GRIN2B: variants seen among roughly 807,000 people sequenced by gnomAD.
GRIN2B encodes glutamate receptor ionotropic, NMDA 2B.
In GRIN2B, 5 loss-of-function variants were observed where a neutral mutation model predicts 114.5. The ratio of observed to expected loss-of-function variants is 0.04; its 90% CI spans 0.02 to 0.09. The LOEUF (loss-of-function observed/expected upper bound fraction) is 0.09, where lower values mean the gene tolerates loss of function less well. GRIN2B is among the 10% of genes least tolerant of loss of function. The pLI is 1.00. For missense variants in GRIN2B, 1,108 were observed against 1,943.5 expected (o/e 0.57, Z 8.08); for synonymous variants, 787 against 745.1 (o/e 1.06, Z -0.92).
chr12:13,902,985 A>G (rs928127867), intron 2 of GRIN2B, among the ~76,000 whole-genome samples: 1 of 152,088 alleles, frequency 6.6e-6, no homozygotes, highest in African/African-American at 2.4e-5. Context: ...TTGGTGAGTT[A>G]TATTCTCCAA....
intron 3 of GRIN2B, among the ~76,000 whole-genome samples, chr12:13,835,463 A>G (rs1865243406): frequency 6.6e-6 from 1 of 151,946 alleles, no homozygotes; most frequent in Admixed American, 6.6e-5. Context: ...CTTGCCATTC[A>G]CAAAAGGGTT....
intron 2 of GRIN2B, among the ~76,000 whole-genome samples, chr12:13,893,559 T>A (rs1269036228): frequency 1.3e-5 from 2 of 152,084 alleles, no homozygotes; most frequent in African/African-American, 4.8e-5. Context: ...TAATGCCAAA[T>A]CAGAAAAACT....
At position 13,697,832 on chromosome 12, in the gene GRIN2B, C is replaced by T. The variant is rs138608924; in HGVS notation, c.1011-21973G>A. Among the ~76,000 whole-genome samples, 19 of 152,230 alleles carry T rather than the reference C, an allele frequency of 1.2e-4. No individual in the cohort carries two copies. The East Asian group carries it at 3.7e-3, about 29-fold the overall frequency. On this transcript the variant is annotated intron_variant, in intron 4 of 13. Coordinates refer to ENST00000609686, the MANE Select transcript of GRIN2B (RefSeq NM_000834.5). ...ACACACAAAAACAGTTAACCTGCAC[C>T]AACACTACTGTTTCACTACTTAAGC...
intron 3 of GRIN2B, among the ~76,000 whole-genome samples, chr12:13,816,332 A>C (rs541530374): frequency 1.3e-5 from 2 of 152,358 alleles, no homozygotes; most frequent in Non-Finnish European, 2.9e-5. Flanking sequence ...TTGATAAGAC[A>C]AAAAACTAAT....
At chr12:13,926,756 A>G (rs957153935) in intron 2 of GRIN2B, among the ~76,000 whole-genome samples, 1 of 152,202 alleles carries the variant, frequency 6.6e-6, no homozygotes, top group Admixed American at 6.5e-5. Context: ...GATCGAGACC[A>G]TCCTGGCTAA....
intron 4 of GRIN2B, among the ~76,000 whole-genome samples, chr12:13,703,506 C>A (rs1466091685): frequency 1.3e-5 from 2 of 152,154 alleles, no homozygotes; most frequent in Admixed American, 1.3e-4. Context: ...CATCAATATG[C>A]AAATACAACA....
Position 13,539,249 on chromosome 12 carries a change from T to C in GRIN2B, c.*23534A>G, listed in dbSNP as rs1415661156. On this transcript the variant is annotated 3_prime_UTR_variant, in exon 14 of 14. Coordinates refer to ENST00000609686, the MANE Select transcript of GRIN2B (RefSeq NM_000834.5). Reference sequence around the variant, plus strand: ...TGCTGGCTTCTAGCCAGGGCTGCCATACATGAGCTCACCCAGGCTCCTTGG... The same window carrying C: ...TGCTGGCTTCTAGCCAGGGCTGCCACACATGAGCTCACCCAGGCTCCTTGG... 6.6e-6 allele frequency: 1 copy of C among 152,264 alleles called. No homozygotes were observed. Among genetic ancestry groups the C allele is most frequent in the Non-Finnish European group, 1.5e-5 (1 of 68,054 alleles). 9.4% of individuals were successfully genotyped at this position (152,264 alleles called of 1,614,324 possible). A position where few individuals can be genotyped will look rare whatever the true frequency, so the allele number is the denominator to read the frequency against.
At position 13,559,526 on chromosome 12, in the gene GRIN2B, G is replaced by T. The variant is rs1308101531; in HGVS notation, c.*3257C>A. On this transcript the variant is annotated 3_prime_UTR_variant, in exon 14 of 14. Coordinates refer to ENST00000609686, the MANE Select transcript of GRIN2B (RefSeq NM_000834.5). ...CAGTAATGAGGACAAGGCAAATAAA[G>T]AGCCGCTATTGGCACCATTGCTCAC... The T allele has an allele frequency of 1.3e-5, 2 of 152,178 alleles. No homozygotes were observed. Among genetic ancestry groups the T allele is most frequent in the African/African-American group, 4.8e-5 (2 of 41,452 alleles). 9.4% of individuals were successfully genotyped at this position (152,178 alleles called of 1,614,324 possible).
At position 13,553,423 on chromosome 12, in the gene GRIN2B, A is replaced by C. The variant is rs555024770; in HGVS notation, c.*9360T>G. 2.0e-5 allele frequency: 3 copies of C among 152,370 alleles called. No homozygotes were observed. In the South Asian group the frequency reaches 6.2e-4, roughly 32 times the overall value. The allele number at this position is 152,370 out of a possible 1,614,324, so 9.4% of individuals were successfully genotyped here. The stretch of plus-strand genomic sequence containing the variant: ...AAGAGGTAAAGTGCTCAATTACCTC[A>C]ACTCTTATCCTCCCTTTGGGAGAAG... On this transcript the variant is annotated 3_prime_UTR_variant, in exon 14 of 14. Coordinates refer to ENST00000609686, the MANE Select transcript of GRIN2B (RefSeq NM_000834.5).
At chr12:13,721,339 C>T (rs1950506503) in intron 4 of GRIN2B, among the ~76,000 whole-genome samples, 1 of 151,780 alleles carries the variant, frequency 6.6e-6, no homozygotes. Context: ...TTGATGTGAT[C>T]ATCTGATTTC....
chr12:13,965,443 G>C (rs970838164), intron 2 of GRIN2B, among the ~76,000 whole-genome samples: 1 of 152,110 alleles, frequency 6.6e-6, no homozygotes, highest in Non-Finnish European at 1.5e-5. Flanking sequence ...TTTAGAATCT[G>C]TCATGAAGAC....
chr12:13,714,717 A>G (rs763626677), intron 4 of GRIN2B, among the ~76,000 whole-genome samples: 3 of 151,966 alleles, frequency 2.0e-5, no homozygotes, highest in Non-Finnish European at 4.4e-5. Context: ...AATATATTTT[A>G]TAATACAAAT....
At chr12:13,696,476 T>G (rs16909382) in intron 4 of GRIN2B, among the ~76,000 whole-genome samples, 3,399 of 152,222 alleles carry the variant, frequency 0.022, 121 homozygotes, top group African/African-American at 0.078. Context: ...TCCTCTCAAA[T>G]CTCAGAGATG....
At chr12:13,757,407 T>G (rs1030052770) in intron 3 of GRIN2B, among the ~76,000 whole-genome samples, 1 of 152,120 alleles carries the variant, frequency 6.6e-6, no homozygotes, top group African/African-American at 2.4e-5. Flanking sequence ...AGGGAAATCT[T>G]CATGTGTGCA....
chr12:13,729,383 T>A (rs957447246), intron 4 of GRIN2B, among the ~76,000 whole-genome samples: 1 of 152,136 alleles, frequency 6.6e-6, no homozygotes, highest in Non-Finnish European at 1.5e-5. Flanking sequence ...CTTCCTTCTG[T>A]CTCTCCCGTT....
At chr12:13,595,115 T>C (rs1168258399) in intron 10 of GRIN2B, among the ~76,000 whole-genome samples, 1 of 152,152 alleles carries the variant, frequency 6.6e-6, no homozygotes, top group Non-Finnish European at 1.5e-5. Context: ...GGTGAAGCAG[T>C]CAAGAGAGAA....
intron 4 of GRIN2B, among the ~76,000 whole-genome samples, chr12:13,692,271 G>A (rs918064): frequency 0.97 from 148,274 of 152,192 alleles, 72,336 homozygotes; most frequent in Middle Eastern, 1. Context: ...AAGTTCATAC[G>A]TTAGGGAGCC....
chr12:13,811,427 A>C (rs1864727163), intron 3 of GRIN2B, among the ~76,000 whole-genome samples: 1 of 152,174 alleles, frequency 6.6e-6, no homozygotes, highest in Non-Finnish European at 1.5e-5. Flanking sequence ...CTACAAAAGA[A>C]AAAATTAGCT....
chr12:13,733,690 T>C (rs1863127669), intron 4 of GRIN2B, among the ~76,000 whole-genome samples: 1 of 152,150 alleles, frequency 6.6e-6, no homozygotes, highest in Admixed American at 6.5e-5. Flanking sequence ...TATAATATTG[T>C]GGTATAAATG....
Sources: allele counts gnomAD v4.1 joint callset (sites outside exome capture counted in the v4.1 genomes callset), GRCh38; gene constraint gnomAD v4.1.1; transcripts MANE v1.5; gene names NCBI Gene and HGNC (gene_info 2026-07-23, HGNC 2026-07-21).